Variants in STXBP5L observed in about 807,000 individuals in gnomAD.
STXBP5L encodes the protein syntaxin binding protein 5L.
A neutral mutation model predicts 144.5 loss-of-function variants in STXBP5L; 65 were observed. That is an observed-to-expected ratio of 0.45 (90% CI 0.37 to 0.55). The LOEUF is 0.55. Among genes scored for constraint, STXBP5L ranks in the 20% least tolerant of loss-of-function variants. STXBP5L has a pLI of 0.00. For missense variants in STXBP5L, 1,298 were observed against 1,405.5 expected (o/e 0.92, Z 1.22); for synonymous variants, 505 against 469.6 (o/e 1.08, Z -0.97).
intron 3 of STXBP5L, among the ~76,000 whole-genome samples, chr3:121,024,317 C>T (rs1576692377): frequency 6.6e-6 from 1 of 152,126 alleles, no homozygotes; most frequent in Non-Finnish European, 1.5e-5. Context: ...TGAAAATATG[C>T]TTTGCCTCAT....
At chr3:121,096,447 G>A (rs539009507) in intron 5 of STXBP5L, among the ~76,000 whole-genome samples, 1 of 152,162 alleles carries the variant, frequency 6.6e-6, no homozygotes, top group East Asian at 1.9e-4. Context: ...TCTGGTTTTT[G>A]GAATTTTCAG....
At chr3:121,152,250 C>A (rs367728080) in intron 7 of STXBP5L, among the ~76,000 whole-genome samples, 1 of 151,846 alleles carries the variant, frequency 6.6e-6, no homozygotes, top group African/African-American at 2.4e-5. Flanking sequence ...TATTTATATT[C>A]TTCCTTATTT....
intron 9 of STXBP5L, among the ~76,000 whole-genome samples, chr3:121,160,125 G>C (rs377009036): frequency 6.6e-6 from 1 of 152,122 alleles, no homozygotes; most frequent in Non-Finnish European, 1.5e-5. Context: ...AAATAGGTCA[G>C]GGTAGTTGAT....
chr3:121,285,187 A>G (rs530736191), intron 19 of STXBP5L, among the ~76,000 whole-genome samples: 1 of 152,134 alleles, frequency 6.6e-6, no homozygotes, highest in East Asian at 1.9e-4. Flanking sequence ...AGTTTGACTC[A>G]GTGTTATATT....
At chr3:121,055,242 A>G (rs1342087718) in intron 5 of STXBP5L, among the ~76,000 whole-genome samples, 1 of 152,190 alleles carries the variant, frequency 6.6e-6, no homozygotes, top group Non-Finnish European at 1.5e-5. Context: ...CTATCGAAGT[A>G]TGGTGAATGG....
chr3:121,297,011 A>G (rs915508160), intron 19 of STXBP5L, among the ~76,000 whole-genome samples: 1 of 152,208 alleles, frequency 6.6e-6, no homozygotes, highest in Admixed American at 6.5e-5. Context: ...CAACTGTGTC[A>G]CTGCACAAAT....
intron 9 of STXBP5L, among the ~76,000 whole-genome samples, chr3:121,162,262 A>G (rs2046349109): frequency 6.6e-6 from 1 of 152,154 alleles, no homozygotes; most frequent in Admixed American, 6.5e-5. Context: ...TTGTAAATTC[A>G]GTTTGTTCCC....
At chr3:121,050,026 C>T (rs1576778218) in intron 5 of STXBP5L, among the ~76,000 whole-genome samples, 1 of 152,116 alleles carries the variant, frequency 6.6e-6, no homozygotes, top group African/African-American at 2.4e-5. Flanking sequence ...GATGTGAGGA[C>T]TCCTCTGGCT....
intron 14 of STXBP5L, among the ~76,000 whole-genome samples, chr3:121,242,211 C>T (rs999806730): frequency 6.6e-6 from 1 of 152,010 alleles, no homozygotes; most frequent in African/African-American, 2.4e-5. Context: ...AGAAATAATG[C>T]AATAATAAAA....
At chr3:120,970,511 C>T (rs1467315275) in intron 3 of STXBP5L, among the ~76,000 whole-genome samples, 1 of 152,098 alleles carries the variant, frequency 6.6e-6, no homozygotes, top group Non-Finnish European at 1.5e-5. Flanking sequence ...ATCATCTGGA[C>T]AGCAGGATTT....
intron 19 of STXBP5L, among the ~76,000 whole-genome samples, chr3:121,291,177 G>T (rs1382943107): frequency 1.3e-5 from 2 of 151,974 alleles, no homozygotes; most frequent in Non-Finnish European, 2.9e-5. Flanking sequence ...AAAGCACATG[G>T]ATCTGAAAAG....
At chr3:121,190,786 G>A (rs1026064717) in intron 9 of STXBP5L, among the ~76,000 whole-genome samples, 2 of 152,040 alleles carry the variant, frequency 1.3e-5, no homozygotes, top group African/African-American at 4.8e-5. Context: ...TCCCAGATGG[G>A]GCGGCTGCTG....
chr3:121,086,453 C>G (rs928764238), intron 5 of STXBP5L, among the ~76,000 whole-genome samples: 1 of 149,812 alleles, frequency 6.7e-6, no homozygotes, highest in Non-Finnish European at 1.5e-5. Context: ...ATGCATTGCC[C>G]TTTTCTATAT....
At chr3:121,010,570 G>A (rs1020741454) in intron 3 of STXBP5L, among the ~76,000 whole-genome samples, 6 of 151,556 alleles carry the variant, frequency 4.0e-5, no homozygotes, top group Non-Finnish European at 8.8e-5. Context: ...CAACACGGGG[G>A]TTAGGGGAAC....
chr3:120,933,796 T>C (rs914903899), intron 2 of STXBP5L, among the ~76,000 whole-genome samples: 7 of 152,152 alleles, frequency 4.6e-5, no homozygotes, highest in African/African-American at 1.7e-4. Flanking sequence ...AGAATTTAAA[T>C]AGCTTGATCT....
intron 9 of STXBP5L, among the ~76,000 whole-genome samples, chr3:121,194,505 C>T (rs2047841833): frequency 6.6e-6 from 1 of 151,460 alleles, no homozygotes; most frequent in African/African-American, 2.4e-5. Context: ...ACTGCACTCC[C>T]TGCCTTGAAA....
In STXBP5L at chr3:121,378,905, A is replaced by T. The variant is rs1560038686; in HGVS notation, c.2347+19A>T. On this transcript the variant is annotated intron_variant, in intron 21 of 26. Coordinates refer to ENST00000471454, the MANE Select transcript of STXBP5L (RefSeq NM_001308330.2). ...ACAGAAGGTATGTTAAACATATTAA[A>T]TTTTTTTGTTACAGTTAAAATTTGG... 1 of 1,598,154 alleles carries T rather than the reference A, an allele frequency of 6.3e-7. No individual in the cohort carries two copies. The highest frequency in any genetic ancestry group is 8.5e-7 in the Non-Finnish European group (1 of 1,171,364).
chr3:120,940,846 G>A (rs961739937), intron 2 of STXBP5L, among the ~76,000 whole-genome samples: 1 of 151,454 alleles, frequency 6.6e-6, no homozygotes, highest in African/African-American at 2.4e-5. Context: ...ACTTTTCAAT[G>A]GCAAGAATTG....
Position 121,360,243 on chromosome 3 carries a change from G to A in STXBP5L, c.2177-18473G>A, listed in dbSNP as rs1187691135. 1.3e-5 allele frequency among the ~76,000 whole-genome samples: 2 copies of A among 150,238 alleles called. 1 individual carries two copies. The highest frequency in any genetic ancestry group is 3.0e-5 in the Non-Finnish European group (2 of 67,600). On this transcript the variant is annotated intron_variant, in intron 20 of 26. Coordinates refer to ENST00000471454, the MANE Select transcript of STXBP5L (RefSeq NM_001308330.2). ...ACTCCTCCTTTTTTTGGTTTCAATT[G>A]GCATAGAATATCTTTTTCTATGCTT...
Sources: allele counts gnomAD v4.1 joint callset (sites outside exome capture counted in the v4.1 genomes callset), GRCh38; gene constraint gnomAD v4.1.1; transcripts MANE v1.5; gene names NCBI Gene and HGNC (gene_info 2026-07-23, HGNC 2026-07-21).